The following THADA variants were observed in gnomAD, a reference collection of about 807,000 sequenced individuals.
The protein encoded by THADA is THADA armadillo repeat containing, also known as tRNA (32-2'-O)-methyltransferase regulator THADA.
THADA carries 213 observed loss-of-function variants against 219.8 expected under a neutral mutation model. The ratio of observed to expected loss-of-function variants is 0.97; its 90% CI spans 0.87 to 1.09. The LOEUF is 1.09. Ranked by LOEUF, THADA falls within the 50% of genes least tolerant of loss-of-function variation. The pLI, the probability that THADA is intolerant of heterozygous loss-of-function variation, is 0.00. For missense variants in THADA, 2,956 were observed against 2,311.3 expected, an observed-to-expected ratio of 1.28 and a Z score of -5.72; for synonymous variants, 1,018 against 828.9, an observed-to-expected ratio of 1.23 and a Z score of -3.92.
At chr2:43,316,663 C>A (rs1391926324) in intron 31 of THADA, among the ~76,000 whole-genome samples, 1 of 152,180 alleles carries the variant, frequency 6.6e-6, no homozygotes, top group Non-Finnish European at 1.5e-5. Context: ...CACGGTGGCT[C>A]ACATCTGTAA....
At chr2:43,342,588 G>C (rs1161886831) in intron 30 of THADA, among the ~76,000 whole-genome samples, 3 of 152,194 alleles carry the variant, frequency 2.0e-5, no homozygotes, top group African/African-American at 2.4e-5. Context: ...ACCTGTGTTG[G>C]CCACTTGGCA....
At position 43,404,268 on chromosome 2, in the gene THADA, C is replaced by T. The variant is rs140503229; in HGVS notation, c.4059-6129G>A. Among the ~76,000 whole-genome samples the T allele has an allele frequency of 6.6e-4, 100 of 152,222 alleles. 1 individual carries two copies. The highest frequency in any genetic ancestry group is 2.1e-3 in the African/African-American group (89 of 41,554). On this transcript the variant is annotated intron_variant, in intron 28 of 37. Coordinates refer to ENST00000405975, the MANE Select transcript of THADA (RefSeq NM_022065.5). The stretch of plus-strand genomic sequence containing the variant: ...AGTTCAGTGGTTTGATCATAGCTCA[C>T]TGCAGCCTTGAATTCCTGGGCTCCA...
In THADA at chr2:43,421,492, G is replaced by C. The variant is rs993005588; in HGVS notation, c.4058+6608C>G. On this transcript the variant is annotated intron_variant, in intron 28 of 37. Transcript: ENST00000405975. ...TCTCAGGTGTTTCTACTTGTAATGA[G>C]CAAGGCTTGGAGACCCCTGTACTCT... Among the ~76,000 whole-genome samples, 7 of 152,280 alleles carry C rather than the reference G, an allele frequency of 4.6e-5. No individual in the cohort carries two copies. The East Asian group carries it at 7.7e-4, about 17-fold the overall frequency.
intron 27 of THADA, among the ~76,000 whole-genome samples, chr2:43,428,929 A>G (rs952706422): frequency 6.6e-6 from 1 of 152,232 alleles, no homozygotes; most frequent in African/African-American, 2.4e-5. Flanking sequence ...ACATTAGCAT[A>G]AACTACTAAT....
chr2:43,408,240 T>G (rs1315695618), intron 28 of THADA: 1 of 152,192 alleles, frequency 6.6e-6, no homozygotes, highest in Non-Finnish European at 1.5e-5. Context: ...TCCCCTGGTA[T>G]CCTCTCTCAG....
chr2:43,288,712 C>T (rs1317643155), intron 34 of THADA, among the ~76,000 whole-genome samples: 1 of 152,202 alleles, frequency 6.6e-6, no homozygotes, highest in African/African-American at 2.4e-5. Context: ...TTCATTGCAA[C>T]AGCATGATTG....
chr2:43,388,896 C>T (rs575097553), intron 29 of THADA, among the ~76,000 whole-genome samples: 3 of 152,222 alleles, frequency 2.0e-5, no homozygotes, highest in South Asian at 4.2e-4. Context: ...GTCTTTTACT[C>T]ACCATCTACA....
chr2:43,460,860 T>C (rs1266984396), intron 26 of THADA, among the ~76,000 whole-genome samples: 1 of 152,148 alleles, frequency 6.6e-6, no homozygotes, highest in Non-Finnish European at 1.5e-5. Context: ...ACCAGGATGT[T>C]GACAGATTTG....
intron 32 of THADA, 49 bp from the exon 33 acceptor site, chr2:43,292,271 A>C: frequency 1.8e-6 from 2 of 1,119,124 alleles, no homozygotes; most frequent in Non-Finnish European, 2.6e-6. Flanking sequence ...ATACTCAGGG[A>C]GATGTCTCTA....
chr2:43,393,431 G>A (rs1673638259), intron 29 of THADA, among the ~76,000 whole-genome samples: 1 of 152,190 alleles, frequency 6.6e-6, no homozygotes, highest in South Asian at 2.1e-4. Context: ...TCTCAGCCGG[G>A]TGCGGTGGCT....
At chr2:43,286,442 T>C (rs1572914944) in intron 35 of THADA, among the ~76,000 whole-genome samples, 1 of 152,072 alleles carries the variant, frequency 6.6e-6, no homozygotes, top group Admixed American at 6.6e-5. Flanking sequence ...AAGAGGCTGG[T>C]TAAGAGTGTG....
At chr2:43,251,713 T>C (rs1006597296) in intron 36 of THADA, among the ~76,000 whole-genome samples, 1 of 152,218 alleles carries the variant, frequency 6.6e-6, no homozygotes, top group African/African-American at 2.4e-5. Context: ...CTTACAATCA[T>C]GGTGAGGAAA....
chr2:43,489,255 A>G (rs1425272718), intron 25 of THADA, among the ~76,000 whole-genome samples: 2 of 152,112 alleles, frequency 1.3e-5, no homozygotes, highest in Admixed American at 1.3e-4. Flanking sequence ...ATCATAGCTC[A>G]CTGCAGCCTT....
intron 23 of THADA, among the ~76,000 whole-genome samples, chr2:43,508,328 G>A (rs928256625): frequency 6.6e-6 from 1 of 152,132 alleles, no homozygotes; most frequent in South Asian, 2.1e-4. Flanking sequence ...CAGTGGGGTG[G>A]TGGGGTAACA....
chr2:43,557,465 C>T (rs772570262), intron 16 of THADA, among the ~76,000 whole-genome samples: 1 of 152,130 alleles, frequency 6.6e-6, no homozygotes, highest in Non-Finnish European at 1.5e-5. Flanking sequence ...ACTGCAAATC[C>T]CCTGGGAGGC....
At chr2:43,424,881 A>T (rs1678213225) in intron 28 of THADA, among the ~76,000 whole-genome samples, 1 of 152,182 alleles carries the variant, frequency 6.6e-6, no homozygotes, top group Non-Finnish European at 1.5e-5. Flanking sequence ...AACCAATCCA[A>T]TCAGTCACTT....
chr2:43,276,655 C>G (rs1275533155), intron 36 of THADA, among the ~76,000 whole-genome samples: 1 of 152,180 alleles, frequency 6.6e-6, no homozygotes, highest in Non-Finnish European at 1.5e-5. Flanking sequence ...GAAGGCAGGA[C>G]AGAACCCAGA....
intron 20 of THADA, among the ~76,000 whole-genome samples, chr2:43,548,786 C>T (rs1260266813): frequency 1.3e-5 from 2 of 152,258 alleles, no homozygotes; most frequent in Admixed American, 6.5e-5. Context: ...CTTTCTTTGA[C>T]TAGGAAAGGG....
intron 36 of THADA, among the ~76,000 whole-genome samples, chr2:43,247,393 G>A (rs1669260961): frequency 6.6e-6 from 1 of 152,080 alleles, no homozygotes; most frequent in Admixed American, 6.6e-5. Flanking sequence ...TTCTAAAACT[G>A]GGCATGAAAA....
Sources: gnomAD v4.1 joint callset for allele counts (sites outside exome capture counted in the v4.1 genomes callset) on GRCh38, gnomAD v4.1.1 for gene constraint, MANE v1.5 for transcripts, NCBI Gene and HGNC (gene_info 2026-07-23, HGNC 2026-07-21) for gene names.